Variants in COL6A1 observed in about 807,000 individuals in gnomAD.
COL6A1 encodes collagen alpha-1(VI) chain.
Under a neutral mutation model 145.6 loss-of-function variants are expected in COL6A1, and 80 were observed. The observed-to-expected ratio is 0.55, with a 90% CI of 0.46 to 0.66. The LOEUF (loss-of-function observed/expected upper bound fraction) is 0.66. Among genes scored for constraint, COL6A1 ranks in the 30% least tolerant of loss-of-function variants. The pLI is 0.00. For synonymous variants in COL6A1, 638 were observed against 622.8 expected, an observed-to-expected ratio of 1.02 and a Z score of -0.36; for missense variants, 1,364 against 1,473.8, an observed-to-expected ratio of 0.93 and a Z score of 1.22.
In COL6A1 at chr21:45,991,266, C is replaced by T. The variant is rs1569518285; in HGVS notation, c.1119+225C>T. ...CTCCCGCCCAGAGCCTTCCCTGCAG[C>T]CCGAGGGCCTTCAGGCCTCCGCCAT... is the stretch of plus-strand genomic sequence containing the variant. On this transcript the variant is annotated intron_variant, in intron 15 of 34. Coordinates refer to ENST00000361866, the MANE Select transcript of COL6A1 (RefSeq NM_001848.3). Among the ~76,000 whole-genome samples the T allele has an allele frequency of 2.0e-5, 3 of 152,352 alleles. No homozygotes were observed. In the South Asian group the frequency reaches 6.2e-4, roughly 32 times the overall value.
chr21:45,988,456 G>T (rs1356180750), intron 8 of COL6A1, among the ~76,000 whole-genome samples: 1 of 148,692 alleles, frequency 6.7e-6, no homozygotes, highest in Non-Finnish European at 1.5e-5. Flanking sequence ...GGTCCAGATG[G>T]AGGGGATGTC....
chr21:46,003,029 C>A, intron 33 of COL6A1, 91 bp from the exon 34 acceptor site: 1 of 1,586,442 alleles, frequency 6.3e-7, no homozygotes, highest in East Asian at 2.2e-5. Flanking sequence ...CACGGCCACC[C>A]CTGTGCTCGG....
At chr21:46,003,273 C>T (rs2077859618) in intron 34 of COL6A1, 118 bp from the exon 35 acceptor site, 6 of 1,601,762 alleles carry the variant, frequency 3.7e-6, no homozygotes, top group East Asian at 2.2e-5. Flanking sequence ...TGGCTCACTC[C>T]GGTGGCTGAG....
At chr21:46,001,858 C>A in intron 30 of COL6A1, 103 bp from the exon 31 acceptor site, 2 of 982,706 alleles carry the variant, frequency 2.0e-6, no homozygotes, top group Middle Eastern at 2.2e-4. Context: ...GTCCTGGGGG[C>A]CATGCCACCC....
chr21:45,996,645 G>A (rs1323328292), intron 20 of COL6A1, among the ~76,000 whole-genome samples: 2 of 152,186 alleles, frequency 1.3e-5, no homozygotes, highest in African/African-American at 4.8e-5. Flanking sequence ...GGGCCAGGTG[G>A]GCCAGGTGGG....
intron 29 of COL6A1, 174 bp from the exon 30 acceptor site, chr21:46,001,079 G>C (rs1415810630): frequency 2.1e-6 from 2 of 941,370 alleles, no homozygotes; most frequent in Non-Finnish European, 3.2e-6. Context: ...CCGCCGGACA[G>C]AGCAGCCTTT....
intron 18 of COL6A1, 58 bp downstream of exon 18, chr21:45,992,456 C>A: frequency 2.2e-5 from 35 of 1,585,638 alleles, no homozygotes; most frequent in Non-Finnish European, 3.0e-5. Context: ...GTGGACGTGG[C>A]CTCTGCGGCC....
intron 19 of COL6A1, among the ~76,000 whole-genome samples, chr21:45,993,434 G>A (rs965724973): frequency 3.9e-5 from 6 of 152,238 alleles, no homozygotes; most frequent in African/African-American, 1.4e-4. Flanking sequence ...GCCAGGGCCT[G>A]GCGGGCAGAG....
chr21:46,003,341 G>A (rs375048671), intron 34 of COL6A1, 50 bp from the exon 35 acceptor site: 25 of 1,600,216 alleles, frequency 1.6e-5, no homozygotes, highest in East Asian at 1.1e-4. Context: ...GGCCCACTGC[G>A]GCTGCATCAC....
At position 45,998,495 on chromosome 21, in the gene COL6A1, C is replaced by T. The variant is rs117271143; in HGVS notation, c.1611+62C>T. 2.8e-3 allele frequency: 4,541 copies of T among 1,605,318 alleles called. 15 individuals are homozygous for T. The highest frequency in any genetic ancestry group is 3.6e-3 in the Non-Finnish European group (4,205 of 1,173,514). ...ACAAACATTCACAGTCACAGGGACACGCACGTGTGAACACACATGTGCACA... is the reference window on the plus strand; with the variant it reads ...ACAAACATTCACAGTCACAGGGACATGCACGTGTGAACACACATGTGCACA... On this transcript the variant is annotated intron_variant, in intron 24 of 34. Coordinates refer to ENST00000361866, the MANE Select transcript of COL6A1 (RefSeq NM_001848.3).
rs367682034 is a variant in COL6A1 at position 46,003,824 on chromosome 21, C to T, written c.2898C>T (p.Gly966=). 3.0e-5 allele frequency: 48 copies of T among 1,604,608 alleles called. No homozygotes were observed. The highest frequency in any genetic ancestry group is 3.6e-5 in the Non-Finnish European group (42 of 1,173,314). ...EKAVQEAQRA[G]IEIFVVVVGR... Reference sequence around the variant, plus strand: ...CCGTGCAGGAAGCCCAGCGGGCAGGCATCGAGATCTTCGTGGTGGTCGTGG... The same window carrying T: ...CCGTGCAGGAAGCCCAGCGGGCAGGTATCGAGATCTTCGTGGTGGTCGTGG... The change falls in exon 35 of 35, where the codon GGC becomes GGT. Residue 966 remains glycine (G), a synonymous_variant. Transcript: ENST00000361866.
intron 27 of COL6A1, among the ~76,000 whole-genome samples, 189 bp downstream of exon 27, chr21:45,999,881 GTGTGAGGACCATAGAGGGGACA>G (rs2077829154): frequency 2.6e-5 from 3 of 116,456 alleles, no homozygotes; most frequent in Non-Finnish European, 3.7e-5. Flanking sequence ...ATAGGGGGAT[GTGTGAGGACCATAGAGGGGACA>G]TGTGAGGATC....
chr21:46,000,340 AT>A lies in COL6A1; in HGVS notation c.1790del (p.Leu597TrpfsTer5). The A allele has an allele frequency of 6.2e-7, 1 of 1,613,920 alleles. No individual in the cohort carries two copies. Among genetic ancestry groups the A allele is most frequent in the Non-Finnish European group, 8.5e-7 (1 of 1,179,880 alleles). ...QGPPGPDECE[I>X]LDIIMKMCSC... is the part of the protein sequence containing the mutation. ...GTCTCTCCCTCCCCAGGAATGCGAGATTTTGGACATCATCATGAAAATGTGC... is the reference window on the plus strand; with the variant it reads ...GTCTCTCCCTCCCCAGGAATGCGAGATTTGGACATCATCATGAAAATGTGC... On this transcript the variant is annotated frameshift_variant, in exon 28 of 35. Transcript: ENST00000361866. LOFTEE classifies it high-confidence loss of function.
intron 3 of COL6A1, among the ~76,000 whole-genome samples, chr21:45,985,145 G>GACAGCGAAACAGAGACAGAA (rs1491028830): frequency 6.7e-6 from 1 of 150,150 alleles, no homozygotes; most frequent in Non-Finnish European, 1.5e-5. Context: ...CAGAGACAGA[G>GACAGCGAAACAGAGACAGAA]ACAGCGAAAC....
intron 27 of COL6A1, 133 bp from the exon 28 acceptor site, chr21:46,000,198 C>T: frequency 1.0e-6 from 1 of 995,118 alleles, no homozygotes; most frequent in Middle Eastern, 2.3e-4. Context: ...GCCGGGCACA[C>T]CTGCAAAGAA....
At chr21:45,989,158 T>G (rs1022694635) in intron 9 of COL6A1, 21 bp downstream of exon 9, 1 of 1,583,174 alleles carries the variant, frequency 6.3e-7, no homozygotes, top group East Asian at 2.2e-5. Context: ...GACTGTGGGG[T>G]GGGGGCCCTA....
chr21:45,982,498 T>C, intron 1 of COL6A1, 136 bp from the exon 2 acceptor site: 1 of 1,281,026 alleles, frequency 7.8e-7, no homozygotes, highest in Admixed American at 1.9e-5. Flanking sequence ...GACGTCCTGC[T>C]GCCTTTTCCC....
chr21:45,983,372 C>G (rs912954736), intron 2 of COL6A1, among the ~76,000 whole-genome samples: 1 of 151,394 alleles, frequency 6.6e-6, no homozygotes, highest in Non-Finnish European at 1.5e-5. Flanking sequence ...GGGAGTCGGT[C>G]CTGTGGGTGC....
chr21:45,999,574 C>T lies in COL6A1; in HGVS notation c.1741-83C>T. 2.0e-6 allele frequency: 3 copies of T among 1,472,416 alleles called. No homozygotes were observed. In the South Asian group the frequency reaches 3.5e-5, roughly 17 times the overall value. The allele number at this position is 1,472,416 out of a possible 1,614,324, so 91.2% of individuals were successfully genotyped here. A position where few individuals can be genotyped will look rare whatever the true frequency, so the allele number is the denominator to read the frequency against. ...GGGGTGGGCTTGATGAGGGGCAGGG[C>T]CCTGGGGGTGGGGGCTGTCTCAGCT... On this transcript the variant is annotated intron_variant, in intron 26 of 34. Coordinates refer to ENST00000361866, the MANE Select transcript of COL6A1 (RefSeq NM_001848.3).
Sources: gnomAD v4.1 joint callset for allele counts (sites outside exome capture counted in the v4.1 genomes callset) on GRCh38, gnomAD v4.1.1 for gene constraint, MANE v1.5 for transcripts, NCBI Gene and HGNC (gene_info 2026-07-23, HGNC 2026-07-21) for gene names.